Variants in HNRNPLL observed in about 807,000 individuals in gnomAD.
HNRNPLL encodes the protein heterogeneous nuclear ribonucleoprotein L like.
HNRNPLL carries 25 observed loss-of-function variants against 67.1 expected under a neutral mutation model. The observed-to-expected ratio is 0.37, with a 90% CI of 0.27 to 0.52. HNRNPLL has a LOEUF of 0.52. HNRNPLL is among the 20% of genes least tolerant of loss of function. The pLI is 0.90. For synonymous variants in HNRNPLL, 267 were observed against 241.7 expected, an observed-to-expected ratio of 1.10 and a Z score of -0.97; for missense variants, 542 against 673.9, an observed-to-expected ratio of 0.80 and a Z score of 2.17.
intron 8 of HNRNPLL, among the ~76,000 whole-genome samples, chr2:38,570,403 G>C (rs1217171445): frequency 1.3e-5 from 2 of 152,108 alleles, no homozygotes; most frequent in South Asian, 2.1e-4. Flanking sequence ...AAATTTAAAA[G>C]TAAACAAATA....
Position 38,582,175 on chromosome 2 carries a change from T to A in HNRNPLL, c.633-7A>T. On this transcript the variant is annotated splice_region_variant and splice_polypyrimidine_tract_variant and intron_variant, in intron 4 of 12. Transcript: ENST00000449105. ...ACAAAGGACTGATTCAAACATAAGC[T>A]CTATTAAGGAAATTCGGTTTAAGGT... 6.2e-7 allele frequency: 1 copy of A among 1,606,282 alleles called. No homozygotes were observed. Among genetic ancestry groups the A allele is most frequent in the Non-Finnish European group, 8.5e-7 (1 of 1,172,922 alleles).
intron 1 of HNRNPLL, among the ~76,000 whole-genome samples, chr2:38,595,750 A>G (rs1667161777): frequency 6.6e-6 from 1 of 152,202 alleles, no homozygotes; most frequent in African/African-American, 2.4e-5. Context: ...AGGCTGAGGC[A>G]GGAGAATGGC....
intron 1 of HNRNPLL, among the ~76,000 whole-genome samples, chr2:38,592,777 T>C (rs1258753537): frequency 6.6e-6 from 1 of 152,258 alleles, no homozygotes; most frequent in African/African-American, 2.4e-5. Context: ...ACTTCAGAAA[T>C]GACTTCCACC....
chr2:38,595,587 G>A (rs969256037), intron 1 of HNRNPLL, among the ~76,000 whole-genome samples: 1 of 152,190 alleles, frequency 6.6e-6, no homozygotes, highest in Non-Finnish European at 1.5e-5. Flanking sequence ...GCTCACGCCT[G>A]TAATGCCAGC....
chr2:38,594,204 A>G (rs1417982001), intron 1 of HNRNPLL, among the ~76,000 whole-genome samples: 1 of 152,148 alleles, frequency 6.6e-6, no homozygotes, highest in Non-Finnish European at 1.5e-5. Flanking sequence ...AAAAACAAAC[A>G]AAAAAACCAA....
chr2:38,588,307 T>C (rs1666812636), intron 2 of HNRNPLL, among the ~76,000 whole-genome samples: 1 of 152,054 alleles, frequency 6.6e-6, no homozygotes, highest in African/African-American at 2.4e-5. Flanking sequence ...CCCAGCACTT[T>C]GGGAGGCGGA....
intron 9 of HNRNPLL, among the ~76,000 whole-genome samples, 161 bp from the exon 10 acceptor site, chr2:38,569,495 A>C (rs1373842368): frequency 6.6e-6 from 1 of 152,118 alleles, no homozygotes; most frequent in African/African-American, 2.4e-5. Flanking sequence ...ATAATCAATC[A>C]CTCTTGTAGT....
At chr2:38,565,253 G>A (rs999109292) in intron 12 of HNRNPLL, among the ~76,000 whole-genome samples, 4 of 152,080 alleles carry the variant, frequency 2.6e-5, no homozygotes, top group Non-Finnish European at 5.9e-5. Context: ...CACTGCAGAG[G>A]ATAAAAACAT....
rs376288262 is a variant in HNRNPLL, at chr2:38,564,157, T to G, written c.*25A>C. Reference sequence around the variant, plus strand: ...TTTGAAATTGTAATAAAGGTGAACATAAATTCTAACATGCTCTTCTCTTCT... The same window carrying G: ...TTTGAAATTGTAATAAAGGTGAACAGAAATTCTAACATGCTCTTCTCTTCT... On this transcript the variant is annotated 3_prime_UTR_variant, in exon 13 of 13. Transcript: ENST00000449105. The G allele has an allele frequency of 1.1e-5, 15 of 1,385,476 alleles. No homozygotes were observed. The African/African-American group carries it at 2.0e-4, about 18-fold the overall frequency. The allele number at this position is 1,385,476 out of a possible 1,614,324, so 85.8% of individuals were successfully genotyped here.
chr2:38,585,655 G>C lies in HNRNPLL; in HGVS notation c.535C>G (p.Pro179Ala), dbSNP rs1666696769. Residue 179 changes from proline to alanine, a missense_variant, in exon 3 of 13, where the codon CCA (proline) becomes GCA (alanine). Physicochemically the swap from Pro to Ala is conservative, Grantham distance 27. This residue lies in a region of HNRNPLL where 415 missense variants were observed against 575.2 expected (regional missense o/e 0.72). Transcript: ENST00000449105. ...ATTAAAACACATACCACTGTAATTGGATAAAGCGGATTCTGAATTGAGAGC... is the reference window on the plus strand; with the variant it reads ...ATTAAAACACATACCACTGTAATTGCATAAAGCGGATTCTGAATTGAGAGC... ...LLLSIQNPLY[P>A]ITVDVLYTVC... 6.3e-7 allele frequency: 1 copy of C among 1,592,190 alleles called. No individual in the cohort carries two copies. Among genetic ancestry groups the C allele is most frequent in the Non-Finnish European group, 8.6e-7 (1 of 1,160,248 alleles).
At position 38,594,512 on chromosome 2, in the gene HNRNPLL, A is replaced by G. The variant is rs995837411; in HGVS notation, c.190-2864T>C. Among the ~76,000 whole-genome samples the G allele has an allele frequency of 7.2e-5, 11 of 152,320 alleles. No homozygotes were observed. In the South Asian group the frequency reaches 1.4e-3, roughly 20 times the overall value. On this transcript the variant is annotated intron_variant, in intron 1 of 12. Transcript: ENST00000449105. ...TAAATATAGATATGCAGATGTAGAG[A>G]AAAAAACCCTACACAGCAAAAAGCT...
chr2:38,573,395 G>A lies in HNRNPLL; in HGVS notation c.907C>T (p.Arg303Cys), dbSNP rs771793093. 1.2e-6 allele frequency: 2 copies of A among 1,611,108 alleles called. No homozygotes were observed. Among genetic ancestry groups the A allele is most frequent in the African/African-American group, 2.7e-5 (2 of 74,682 alleles). ...GTATCTCGAGAGCCCATTCTGTAAC[G>A]ACTTGGTAAAGGCAATAATGGACCA... ...SHGPLLPLPSRYRMGSRDTPE... is the reference protein window; with the variant it reads ...SHGPLLPLPSCYRMGSRDTPE... Residue 303 changes from arginine (R) to cysteine (C), a missense_variant, in exon 8 of 13, where the codon CGT (arginine) becomes TGT (cysteine). By Grantham distance (180) the Arg-to-Cys change is radical. Around this residue, in one of 2 missense-constraint regions of HNRNPLL, gnomAD observed 415 missense variants for 575.2 expected, o/e 0.72. Transcript: ENST00000449105.
chr2:38,591,486 T>C, intron 2 of HNRNPLL, 44 bp downstream of exon 2: 1 of 989,516 alleles, frequency 1.0e-6, no homozygotes, highest in Non-Finnish European at 1.6e-6. Context: ...CAAGGATTAT[T>C]CTACCACAGT....
chr2:38,570,710 TGAG>T (rs981642199), intron 8 of HNRNPLL, among the ~76,000 whole-genome samples: 2 of 152,150 alleles, frequency 1.3e-5, no homozygotes, highest in African/African-American at 4.8e-5. Flanking sequence ...CCCTTATCTT[TGAG>T]GGATACATTC....
chr2:38,590,031 G>T (rs761365597), intron 2 of HNRNPLL, among the ~76,000 whole-genome samples: 2 of 152,082 alleles, frequency 1.3e-5, no homozygotes, highest in African/African-American at 2.4e-5. Context: ...AACTCTCCAC[G>T]CAGATTTAAT....
Position 38,564,240 on chromosome 2 carries a change from G to A in HNRNPLL, c.1574-3C>T, listed in dbSNP as rs746954835. On this transcript the variant is annotated splice_region_variant and splice_polypyrimidine_tract_variant and intron_variant, in intron 12 of 12. Transcript: ENST00000449105. ...CAATGTATAGGGATTGGAACCATCT[G>A]TAAAAAGTAAAAAACAGTTAATATT... 1 of 1,505,518 alleles carries A rather than the reference G, an allele frequency of 6.6e-7. No homozygotes were observed. The highest frequency in any genetic ancestry group is 1.1e-5 in the South Asian group (1 of 87,196). 93.3% of individuals were successfully genotyped at this position (1,505,518 alleles called of 1,614,324 possible). A position where few individuals can be genotyped will look rare whatever the true frequency, so the allele number is the denominator to read the frequency against.
chr2:38,568,148 G>T (rs762607875), intron 12 of HNRNPLL, 51 bp downstream of exon 12: 3 of 1,069,988 alleles, frequency 2.8e-6, no homozygotes, highest in South Asian at 1.4e-5. Flanking sequence ...ATGTTTCTGT[G>T]ATGGTAACTG....
chr2:38,599,798 T>C (rs1378818909), intron 1 of HNRNPLL: 2 of 446,628 alleles, frequency 4.5e-6, no homozygotes, highest in Admixed American at 2.7e-5. Context: ...GCACTCAAGG[T>C]TAATCATAAA....
At chr2:38,585,501 A>T in intron 3 of HNRNPLL, 143 bp downstream of exon 3, 3 of 606,612 alleles carry the variant, frequency 4.9e-6, no homozygotes, top group African/African-American at 1.9e-5. Flanking sequence ...TTCTTTGTTC[A>T]TTAAACTTGT....
Sources: gnomAD v4.1 joint callset for allele counts (sites outside exome capture counted in the v4.1 genomes callset) on GRCh38, gnomAD v4.1.1 for gene constraint, gnomAD v4.1.1 regional missense constraint, MANE v1.5 for transcripts, NCBI Gene and HGNC (gene_info 2026-07-23, HGNC 2026-07-21) for gene names.